The following B4GALT4 variants were observed in gnomAD, a reference collection of about 807,000 sequenced individuals.
B4GALT4 encodes the protein N-acetyllactosamine synthase.
Under a neutral mutation model 37.3 loss-of-function variants are expected in B4GALT4, and 27 were observed. The observed-to-expected ratio is 0.72, with a 90% confidence interval of 0.53 to 1.00. The LOEUF (loss-of-function observed/expected upper bound fraction) is 1.00, where lower values mean the gene tolerates loss of function less well. Among genes scored for constraint, B4GALT4 ranks in the 50% least tolerant of loss-of-function variants. B4GALT4 has a pLI of 0.00. For synonymous variants in B4GALT4, 148 were observed against 154.1 expected, an observed-to-expected ratio of 0.96 and a Z score of 0.29; for missense variants, 372 against 413.1, an observed-to-expected ratio of 0.90 and a Z score of 0.86.
intron 2 of B4GALT4, chr3:119,236,321 A>AC (rs397799422): frequency 2.6e-5 from 4 of 151,586 alleles, no homozygotes; most frequent in African/African-American, 9.7e-5. Flanking sequence ...GAAAAAAAAA[A>AC]CAGACATTAG....
intron 1 of B4GALT4, chr3:119,240,482 G>GTTGA (rs2079122914): frequency 6.6e-6 from 1 of 152,286 alleles, no homozygotes; most frequent in Non-Finnish European, 1.5e-5. Context: ...GCTTTTTCAG[G>GTTGA]TTGATGCACC....
intron 2 of B4GALT4, among the ~76,000 whole-genome samples, chr3:119,234,824 A>T (rs1205530453): frequency 6.6e-6 from 1 of 152,228 alleles, no homozygotes; most frequent in African/African-American, 2.4e-5. Flanking sequence ...GAAAGAAGTT[A>T]TTTAGGGCAA....
chr3:119,216,785 T>A (rs1478923011), intron 6 of B4GALT4, among the ~76,000 whole-genome samples: 1 of 152,250 alleles, frequency 6.6e-6, no homozygotes, highest in Non-Finnish European at 1.5e-5. Context: ...GTTTTAAAGC[T>A]ACAATTCTAG....
intron 1 of B4GALT4, chr3:119,239,892 C>T (rs1247806991): frequency 6.6e-6 from 1 of 152,120 alleles, no homozygotes; most frequent in Admixed American, 6.5e-5. Flanking sequence ...ATAGCCCTCC[C>T]TTCTGAATCC....
chr3:119,236,767 G>C (rs1191842552), intron 2 of B4GALT4, 86 bp downstream of exon 2: 1 of 152,196 alleles, frequency 6.6e-6, no homozygotes, highest in Non-Finnish European at 1.5e-5. Flanking sequence ...ACCTGAGAAG[G>C]ATTTTAAAAA....
chr3:119,216,144 A>C (rs2078283362), intron 7 of B4GALT4, 96 bp downstream of exon 7: 1 of 1,015,466 alleles, frequency 9.8e-7, no homozygotes, highest in Non-Finnish European at 1.4e-6. Context: ...CTTTTAACAC[A>C]ATGAACTGGC....
At chr3:119,229,336 T>G (rs2078736159) in intron 3 of B4GALT4, among the ~76,000 whole-genome samples, 1 of 152,222 alleles carries the variant, frequency 6.6e-6, no homozygotes, top group Non-Finnish European at 1.5e-5. Context: ...CTTTTGTGGC[T>G]GGATAATAAA....
chr3:119,235,907 G>A (rs1333858539), intron 2 of B4GALT4, among the ~76,000 whole-genome samples: 1 of 152,088 alleles, frequency 6.6e-6, no homozygotes, highest in Non-Finnish European at 1.5e-5. Flanking sequence ...ACAAATAAAT[G>A]AATAGAAGAG....
intron 2 of B4GALT4, among the ~76,000 whole-genome samples, chr3:119,231,530 T>C (rs553124259): frequency 6.6e-6 from 1 of 152,144 alleles, no homozygotes; most frequent in South Asian, 2.1e-4. Flanking sequence ...CACTTATGAT[T>C]AAATCTTAAA....
At chr3:119,232,439 G>T (rs2078850922) in intron 2 of B4GALT4, 1 of 152,242 alleles carries the variant, frequency 6.6e-6, no homozygotes, top group African/African-American at 2.4e-5. Context: ...CACACGACTA[G>T]TAAGTGGTAG....
chr3:119,212,430 A>C lies in B4GALT4; in HGVS notation c.*119T>G, dbSNP rs750842521. 6.4e-5 allele frequency: 68 copies of C among 1,059,946 alleles called. No individual in the cohort carries two copies. Among genetic ancestry groups the C allele is most frequent in the Admixed American group, 1.5e-4 (6 of 40,236 alleles). The allele number at this position is 1,059,946 out of a possible 1,614,324, so 65.7% of individuals were successfully genotyped here. ...TGCTAAGAAAATACAAAAAGGAAAA[A>C]TTCAGCTCAACAATGAGCTGTAACA... is the stretch of plus-strand genomic sequence containing the variant. On this transcript the variant is annotated 3_prime_UTR_variant, in exon 8 of 8. Transcript: ENST00000393765.
chr3:119,227,762 T>C (rs1216372936), intron 3 of B4GALT4, among the ~76,000 whole-genome samples: 1 of 152,032 alleles, frequency 6.6e-6, no homozygotes, highest in African/African-American at 2.4e-5. Context: ...CGTATACTGG[T>C]CAGGCTGTAA....
In B4GALT4 at chr3:119,226,969, G is replaced by C; in HGVS notation, c.326C>G (p.Ser109Cys). 6.2e-7 allele frequency: 1 copy of C among 1,614,164 alleles called. No homozygotes were observed. The highest frequency in any genetic ancestry group is 1.7e-5 in the Admixed American group (1 of 60,016). The change falls in exon 4 of 8, where the codon TCC becomes TGC. Residue 109 changes from serine to cysteine, a missense_variant. Ser to Cys is a moderately radical substitution (Grantham distance 112). Coordinates refer to ENST00000393765, the MANE Select transcript of B4GALT4 (RefSeq NM_003778.4). ...EEVQAENPKV[S>C]RGRYRPQECK... is the part of the protein sequence containing the mutation. ...TTCCTGAGGGCGATACCGGCCTCTG[G>C]ACACTTTGGGATTTTCTGCCTGTAC...
rs374358752 is a variant in B4GALT4, at chr3:119,224,255, T to C, written c.487-10A>G. ...ACTTTTTACCTTCAGCCTAGAGATA[T>C]GAAAATTAAAACTTGAAAAGCTCCT... On this transcript the variant is annotated splice_polypyrimidine_tract_variant and intron_variant, in intron 4 of 7. Transcript: ENST00000393765. 5.7e-6 allele frequency: 9 copies of C among 1,571,966 alleles called. No individual in the cohort carries two copies. The highest frequency in any genetic ancestry group is 7.7e-6 in the Non-Finnish European group (9 of 1,163,048).
intron 7 of B4GALT4, chr3:119,214,800 C>T (rs185253519): frequency 2.6e-4 from 39 of 152,260 alleles, no homozygotes; most frequent in African/African-American, 8.7e-4. Context: ...TTTGCAACTC[C>T]TAATTAAATA....
At chr3:119,226,308 A>G (rs1444503609) in intron 4 of B4GALT4, among the ~76,000 whole-genome samples, 1 of 152,220 alleles carries the variant, frequency 6.6e-6, no homozygotes, top group East Asian at 1.9e-4. Flanking sequence ...AAAATCAAAC[A>G]TAATATGTTT....
chr3:119,225,875 C>G (rs2078600674), intron 4 of B4GALT4, among the ~76,000 whole-genome samples: 1 of 151,626 alleles, frequency 6.6e-6, no homozygotes, highest in African/African-American at 2.4e-5. Context: ...GTTCCAAGTA[C>G]TAAAATACAG....
At chr3:119,218,044 G>A (rs2078343031) in intron 6 of B4GALT4, among the ~76,000 whole-genome samples, 1 of 152,134 alleles carries the variant, frequency 6.6e-6, no homozygotes, top group African/African-American at 2.4e-5. Context: ...GGAAGAAGCT[G>A]TGGGTGGAGG....
intron 5 of B4GALT4, 118 bp from the exon 6 acceptor site, chr3:119,218,890 T>G: frequency 8.0e-7 from 1 of 1,242,260 alleles, no homozygotes; most frequent in Non-Finnish European, 1.1e-6. Flanking sequence ...CCACTCCTGC[T>G]TCTCCTGCTT....
Sources: allele counts gnomAD v4.1 joint callset (sites outside exome capture counted in the v4.1 genomes callset), GRCh38; gene constraint gnomAD v4.1.1; transcripts MANE v1.5; gene names NCBI Gene and HGNC (gene_info 2026-07-23, HGNC 2026-07-21).